The following TCF4 variants were observed in gnomAD, a reference collection of about 807,000 sequenced individuals.
TCF4 encodes the protein transcription factor 4.
A neutral mutation model predicts 82.1 loss-of-function variants in TCF4; 3 were observed. The ratio of observed to expected loss-of-function variants is 0.04; its 90% CI spans 0.02 to 0.09. The LOEUF (loss-of-function observed/expected upper bound fraction) is 0.09. Ranked by LOEUF, TCF4 falls within the 10% of genes least tolerant of loss-of-function variation. The probability of loss-of-function intolerance (pLI) is 1.00; values close to 1 mark genes in which losing one functional copy is unlikely to be tolerated. For missense variants in TCF4, 518 were observed against 852.7 expected (o/e 0.61, Z 4.89); for synonymous variants, 276 against 309.6 (o/e 0.89, Z 1.14).
chr18:55,288,645 G>A (rs556066367), intron 8 of TCF4, among the ~76,000 whole-genome samples: 23 of 152,300 alleles, frequency 1.5e-4, no homozygotes, highest in African/African-American at 2.6e-4. Context: ...TGTTTTGCCC[G>A]TAGAGAAGAA....
In TCF4 at chr18:55,586,116, AGAGGAGGAGGAG is replaced by A; in HGVS notation, c.73-776_73-765del. On this transcript the variant is annotated intron_variant, in intron 2 of 19. Coordinates refer to ENST00000354452, the MANE Select transcript of TCF4 (RefSeq NM_001083962.2). ...CCATTTCTCCAAAAGAAGGTCTAGAAGAGGAGGAGGAGGAGGAGAAGGAGGAGGAGGAGGAGG... is the reference window on the plus strand; with the variant it reads ...CCATTTCTCCAAAAGAAGGTCTAGAAGAGGAGAAGGAGGAGGAGGAGGAGG... 4 of 1,412,910 alleles carry A rather than the reference AGAGGAGGAGGAG, an allele frequency of 2.8e-6. 1 individual carries two copies. The highest frequency in any genetic ancestry group is 6.1e-5 in the East Asian group (2 of 33,048). 87.5% of individuals were successfully genotyped at this position (1,412,910 alleles called of 1,614,324 possible). A position where few individuals can be genotyped will look rare whatever the true frequency, so the allele number is the denominator to read the frequency against.
chr18:55,241,732 T>G (rs1306087218), intron 15 of TCF4, among the ~76,000 whole-genome samples: 1 of 152,250 alleles, frequency 6.6e-6, no homozygotes, highest in Non-Finnish European at 1.5e-5. Context: ...TGTAATATAT[T>G]TGAAAAGAGA....
chr18:55,585,763 T>C lies in TCF4; in HGVS notation c.73-411A>G, dbSNP rs187163131. ...TGGCAATGTCCATTTCCATCTCGTA[T>C]AGGATTTGCCTGTCATATGTGAACC... On this transcript the variant is annotated intron_variant, in intron 2 of 19. Transcript: ENST00000354452. The C allele has an allele frequency of 3.0e-4, 331 of 1,100,172 alleles. 2 individuals carry two copies. In the African/African-American group the frequency reaches 5.1e-3, roughly 17 times the overall value. 68.2% of individuals were successfully genotyped at this position (1,100,172 alleles called of 1,614,324 possible).
intron 3 of TCF4, chr18:55,496,230 A>C (rs2096634211): frequency 6.6e-6 from 1 of 152,182 alleles, no homozygotes; most frequent in Non-Finnish European, 1.5e-5. Context: ...ACCTAAATTC[A>C]AGTGCTTTAT....
chr18:55,426,623 G>A (rs1026645037), intron 5 of TCF4, among the ~76,000 whole-genome samples: 2 of 152,064 alleles, frequency 1.3e-5, no homozygotes, highest in Non-Finnish European at 2.9e-5. Context: ...TCTGTCCCTT[G>A]CTTAGTGTAT....
chr18:55,230,617 A>G (rs1181177171), intron 17 of TCF4: 1 of 152,240 alleles, frequency 6.6e-6, no homozygotes, highest in Non-Finnish European at 1.5e-5. Context: ...CTAAAGGGTA[A>G]TTTCACACAT....
At chr18:55,239,060 G>A (rs1429501156) in intron 15 of TCF4, among the ~76,000 whole-genome samples, 1 of 152,152 alleles carries the variant, frequency 6.6e-6, no homozygotes, top group Non-Finnish European at 1.5e-5. Flanking sequence ...GAGTTACATT[G>A]TATCTTAGGT....
At chr18:55,622,914 G>A (rs2097722949) in intron 2 of TCF4, among the ~76,000 whole-genome samples, 1 of 108,818 alleles carries the variant, frequency 9.2e-6, no homozygotes, top group African/African-American at 4.3e-5. Context: ...TTGTGGAGAT[G>A]GTGGGAGTGG....
intron 6 of TCF4, among the ~76,000 whole-genome samples, chr18:55,380,147 G>A (rs1361714437): frequency 6.6e-6 from 1 of 152,080 alleles, no homozygotes; most frequent in Non-Finnish European, 1.5e-5. Context: ...CTCCCAAAGT[G>A]CTTGGATTAC....
At chr18:55,589,094 G>T (rs1159103976), upstream of TCF4, among the ~76,000 whole-genome samples, 1 of 150,950 alleles carries the variant, frequency 6.6e-6, no homozygotes, top group Non-Finnish European at 1.5e-5. Flanking sequence ...TTTAACGTGT[G>T]TTTGAAAAAA....
At chr18:55,375,392 T>C (rs1452029237) in intron 6 of TCF4, among the ~76,000 whole-genome samples, 1 of 152,076 alleles carries the variant, frequency 6.6e-6, no homozygotes, top group Non-Finnish European at 1.5e-5. Context: ...AAGTGGTGGA[T>C]CATAAGAAAG....
intron 15 of TCF4, among the ~76,000 whole-genome samples, chr18:55,253,340 A>T (rs1004766829): frequency 6.6e-6 from 1 of 152,186 alleles, no homozygotes; most frequent in Non-Finnish European, 1.5e-5. Flanking sequence ...GATAATGGAA[A>T]ATATACCTTC....
At chr18:55,413,580 TG>T in intron 5 of TCF4, among the ~76,000 whole-genome samples, 1 of 152,122 alleles carries the variant, frequency 6.6e-6, no homozygotes, top group South Asian at 2.1e-4. Flanking sequence ...AGGGGAAGGT[TG>T]GTAGATGAAT....
intron 5 of TCF4, among the ~76,000 whole-genome samples, chr18:55,454,227 T>C (rs1436816229): frequency 6.6e-6 from 1 of 152,142 alleles, no homozygotes; most frequent in East Asian, 1.9e-4. Context: ...TACTGAAAAC[T>C]GAAACAGGCC....
intron 6 of TCF4, among the ~76,000 whole-genome samples, chr18:55,397,883 A>T (rs1328184493): frequency 6.6e-6 from 1 of 152,210 alleles, no homozygotes; most frequent in Admixed American, 6.5e-5. Context: ...TACACACAAG[A>T]AAATACTGTA....
intron 8 of TCF4, chr18:55,302,629 A>C: frequency 6.6e-7 from 1 of 1,509,306 alleles, no homozygotes; most frequent in Non-Finnish European, 8.8e-7. Context: ...TGAAACTCAG[A>C]CCCGCAGATG....
intron 3 of TCF4, among the ~76,000 whole-genome samples, chr18:55,497,698 CA>C (rs2096652514): frequency 6.6e-6 from 1 of 152,044 alleles, no homozygotes; most frequent in African/African-American, 2.4e-5. Context: ...GCTATTAAAA[CA>C]TTAATTATTT....
rs1296963330 is a variant in TCF4 at position 55,226,608 on chromosome 18, T to A, written c.*1427A>T. On this transcript the variant is annotated 3_prime_UTR_variant, in exon 20 of 20. Coordinates refer to ENST00000354452, the MANE Select transcript of TCF4 (RefSeq NM_001083962.2). ...ATGCTTTAGGACTTATAAGGCTTGT[T>A]ATAATGCTGCATGATGATTGAATAT... is the stretch of plus-strand genomic sequence containing the variant. 1 of 152,582 alleles carries A rather than the reference T, an allele frequency of 6.6e-6. No individual in the cohort carries two copies. Among genetic ancestry groups the A allele is most frequent in the Non-Finnish European group, 1.5e-5 (1 of 68,022 alleles). The allele number at this position is 152,582 out of a possible 1,614,324, so 9.5% of individuals were successfully genotyped here. A position where few individuals can be genotyped will look rare whatever the true frequency, so the allele number is the denominator to read the frequency against.
upstream of TCF4, chr18:55,588,597 C>CA: frequency 6.6e-7 from 1 of 1,509,166 alleles, no homozygotes; most frequent in Non-Finnish European, 8.8e-7. Flanking sequence ...CTTTCTCTTA[C>CA]TCTCGTTCCC....
Sources: gnomAD v4.1 joint callset for allele counts (sites outside exome capture counted in the v4.1 genomes callset) on GRCh38, gnomAD v4.1.1 for gene constraint, MANE v1.5 for transcripts, NCBI Gene and HGNC (gene_info 2026-07-23, HGNC 2026-07-21) for gene names.